The following CDH13 variants were observed in gnomAD, a reference collection of about 807,000 sequenced individuals.
CDH13 encodes the protein cadherin-13.
In CDH13, 24 loss-of-function variants were observed where a neutral mutation model predicts 63.8. That is an observed-to-expected ratio of 0.38 (90% CI 0.27 to 0.53). CDH13 has a LOEUF of 0.53. Among genes scored for constraint, CDH13 ranks in the 20% least tolerant of loss-of-function variants. CDH13 has a pLI of 0.85. For missense variants in CDH13, 1,049 were observed against 903.1 expected (o/e 1.16, Z -2.07); for synonymous variants, 503 against 355.3 (o/e 1.42, Z -4.67).
At chr16:82,731,738 T>A (rs1468096918) in intron 1 of CDH13, among the ~76,000 whole-genome samples, 1 of 152,238 alleles carries the variant, frequency 6.6e-6, no homozygotes, top group African/African-American at 2.4e-5. Flanking sequence ...CAATTGGCTG[T>A]GTGTACAATT....
chr16:83,333,973 C>T (rs748497461), intron 5 of CDH13, among the ~76,000 whole-genome samples: 7 of 152,138 alleles, frequency 4.6e-5, no homozygotes, highest in Non-Finnish European at 1.0e-4. Flanking sequence ...GAGAATCCAA[C>T]ATGTGTCAGG....
At chr16:82,833,265 A>G (rs1364601787) in intron 1 of CDH13, among the ~76,000 whole-genome samples, 1 of 152,226 alleles carries the variant, frequency 6.6e-6, no homozygotes, top group Non-Finnish European at 1.5e-5. Flanking sequence ...TGCTGAGGAC[A>G]TTAATGTGCT....
intron 4 of CDH13, among the ~76,000 whole-genome samples, chr16:83,202,925 C>T (rs1421215213): frequency 2.0e-5 from 3 of 152,112 alleles, no homozygotes; most frequent in African/African-American, 4.8e-5. Context: ...AGGGCAAGGG[C>T]TGAAAAACTT....
chr16:83,002,102 T>C (rs182247590), intron 2 of CDH13, among the ~76,000 whole-genome samples: 6 of 152,340 alleles, frequency 3.9e-5, no homozygotes, highest in African/African-American at 1.4e-4. Context: ...GGGTTGAATG[T>C]CGGCCCCAAA....
chr16:82,957,450 G>A (rs1392868339), intron 2 of CDH13, among the ~76,000 whole-genome samples: 1 of 152,186 alleles, frequency 6.6e-6, no homozygotes, highest in Non-Finnish European at 1.5e-5. Context: ...GATATTGGAA[G>A]TTCAAGATAG....
chr16:83,175,851 G>C (rs752987940), intron 4 of CDH13, among the ~76,000 whole-genome samples: 2 of 117,878 alleles, frequency 1.7e-5, no homozygotes, highest in South Asian at 2.7e-4. Flanking sequence ...TTTTTGAGAC[G>C]GAGTTTCACT....
intron 1 of CDH13, among the ~76,000 whole-genome samples, chr16:82,732,986 T>C (rs1411877897): frequency 1.3e-5 from 2 of 152,206 alleles, no homozygotes; most frequent in East Asian, 3.8e-4. Context: ...AAGAGATATC[T>C]CCATTTGTTT....
chr16:83,481,947 G>A (rs560865017), intron 6 of CDH13, among the ~76,000 whole-genome samples: 1 of 152,292 alleles, frequency 6.6e-6, no homozygotes, highest in South Asian at 2.1e-4. Flanking sequence ...TGCATAAGAG[G>A]AGAGGCACAG....
intron 4 of CDH13, among the ~76,000 whole-genome samples, chr16:83,175,821 C>CTTTT (rs762355886): frequency 1.7e-3 from 156 of 90,006 alleles, no homozygotes; most frequent in East Asian, 2.3e-3. Context: ...TTTCAACCTG[C>CTTTT]TTTTTTTTTT....
At chr16:82,884,295 C>T (rs2040808807) in intron 2 of CDH13, 5 of 438,246 alleles carry the variant, frequency 1.1e-5, no homozygotes, top group South Asian at 8.0e-5. Context: ...TCAGCAGAGG[C>T]ATGCTATTGA....
chr16:83,661,561 C>G (rs1913447672), intron 8 of CDH13, among the ~76,000 whole-genome samples: 2 of 151,928 alleles, frequency 1.3e-5, no homozygotes, highest in Admixed American at 1.3e-4. Context: ...TCCTGTCAGT[C>G]TTCAGTGGCC....
chr16:83,198,205 A>T (rs971384695), intron 4 of CDH13, among the ~76,000 whole-genome samples: 1 of 152,150 alleles, frequency 6.6e-6, no homozygotes. Flanking sequence ...TTTTAAAAAA[A>T]AAATCCCATT....
At chr16:82,876,213 G>C (rs770341384) in intron 2 of CDH13, among the ~76,000 whole-genome samples, 1 of 152,072 alleles carries the variant, frequency 6.6e-6, no homozygotes, top group Non-Finnish European at 1.5e-5. Context: ...TGTCCTACAG[G>C]ACAAAAAACT....
intron 4 of CDH13, among the ~76,000 whole-genome samples, chr16:83,134,590 A>AGAGAGT (rs1567863505): frequency 2.0e-5 from 1 of 49,432 alleles, no homozygotes; most frequent in Non-Finnish European, 3.7e-5. Flanking sequence ...AGAGAGAGAG[A>AGAGAGT]GAGTGAGTTA....
intron 4 of CDH13, among the ~76,000 whole-genome samples, chr16:83,193,187 C>T (rs1210185169): frequency 6.6e-6 from 1 of 151,746 alleles, no homozygotes; most frequent in Non-Finnish European, 1.5e-5. Flanking sequence ...TTAGCCGTGG[C>T]AGCTATGTGG....
At chr16:82,799,684 G>A (rs1307448282) in intron 1 of CDH13, among the ~76,000 whole-genome samples, 22 of 152,078 alleles carry the variant, frequency 1.4e-4, no homozygotes, top group Admixed American at 1.4e-3. Flanking sequence ...ATTCAGTGTG[G>A]GATTTTGTGT....
At chr16:82,728,710 A>G (rs1597420348) in intron 1 of CDH13, among the ~76,000 whole-genome samples, 1 of 152,256 alleles carries the variant, frequency 6.6e-6, no homozygotes, top group East Asian at 1.9e-4. Flanking sequence ...CAGTTTCTAA[A>G]AAGAAGACCA....
intron 7 of CDH13, among the ~76,000 whole-genome samples, chr16:83,524,270 G>A (rs1801204252): frequency 6.6e-6 from 1 of 151,894 alleles, no homozygotes; most frequent in Non-Finnish European, 1.5e-5. Context: ...TTCATACCAG[G>A]CCCAGTGAAG....
At chr16:82,724,583 G>T (rs1468403130) in intron 1 of CDH13, among the ~76,000 whole-genome samples, 1 of 152,170 alleles carries the variant, frequency 6.6e-6, no homozygotes, top group Non-Finnish European at 1.5e-5. Flanking sequence ...CATGTCTGAT[G>T]GAGGCATCCC....
Sources: allele counts gnomAD v4.1 joint callset (sites outside exome capture counted in the v4.1 genomes callset), GRCh38; gene constraint gnomAD v4.1.1; transcripts MANE v1.5; gene names NCBI Gene and HGNC (gene_info 2026-07-23, HGNC 2026-07-21).